GLMN: variants seen among roughly 807,000 people sequenced by gnomAD.
GLMN encodes glomulin.
GLMN carries 75 observed loss-of-function variants against 87.8 expected under a neutral mutation model. The ratio of observed to expected loss-of-function variants is 0.85; its 90% CI spans 0.71 to 1.04. GLMN has a LOEUF of 1.04. Ranked by LOEUF, GLMN falls within the 50% of genes least tolerant of loss-of-function variation. The pLI, the probability that GLMN is intolerant of heterozygous loss-of-function variation, is 0.00. For synonymous variants in GLMN, 206 were observed against 221.6 expected, an observed-to-expected ratio of 0.93 and a Z score of 0.63; for missense variants, 588 against 658.8, an observed-to-expected ratio of 0.89 and a Z score of 1.18.
chr1:92,276,474 T>C (rs140513925), intron 7 of GLMN, among the ~76,000 whole-genome samples: 3 of 152,032 alleles, frequency 2.0e-5, no homozygotes, highest in Non-Finnish European at 2.9e-5. Context: ...CCAGCCTGGG[T>C]AACATGGTGA....
the GLMN span, among the ~76,000 whole-genome samples, chr1:92,334,848 C>T: frequency 1.3e-5 from 2 of 151,994 alleles, no homozygotes; most frequent in East Asian, 1.9e-4. Flanking sequence ...ATTAGCCGGG[C>T]GTGGTGGCGG....
At chr1:92,323,547 T>C in the GLMN span, 1 of 1,613,860 alleles carries the variant, frequency 6.2e-7, no homozygotes, top group Non-Finnish European at 8.5e-7. Context: ...CTAGTTCTTC[T>C]AGCACTCACA....
intron 16 of GLMN, among the ~76,000 whole-genome samples, chr1:92,251,548 C>A (rs1468562996): frequency 6.6e-6 from 1 of 151,912 alleles, no homozygotes; most frequent in African/African-American, 2.4e-5. Flanking sequence ...TTCTTAGAAC[C>A]CATAAATAAT....
At chr1:92,366,810 G>C in the GLMN span, among the ~76,000 whole-genome samples, 2 of 152,098 alleles carry the variant, frequency 1.3e-5, no homozygotes, top group South Asian at 4.2e-4. Flanking sequence ...GGTTTGTATG[G>C]AGCCCTGCAA....
chr1:92,314,835 A>G, the GLMN span, among the ~76,000 whole-genome samples: 33 of 152,100 alleles, frequency 2.2e-4, no homozygotes, highest in Non-Finnish European at 4.1e-4. Flanking sequence ...ACCTGAGGTC[A>G]GGAGTTTGAG....
At chr1:92,291,298 G>T (rs1649373115) in intron 4 of GLMN, 120 bp downstream of exon 4, 3 of 884,438 alleles carry the variant, frequency 3.4e-6, no homozygotes, top group East Asian at 4.9e-5. Context: ...TCTCCAACGA[G>T]TTCCTTTCTG....
chr1:92,331,402 T>A, the GLMN span, among the ~76,000 whole-genome samples: 1 of 152,222 alleles, frequency 6.6e-6, no homozygotes, highest in Non-Finnish European at 1.5e-5. Flanking sequence ...TGTGTCCCAC[T>A]TATTCTGTCT....
chr1:92,343,352 A>G, the GLMN span, among the ~76,000 whole-genome samples: 1 of 152,174 alleles, frequency 6.6e-6, no homozygotes, highest in Non-Finnish European at 1.5e-5. Context: ...TATTGTCCTT[A>G]TTTTACCAAA....
rs576437363 is a variant in GLMN, at chr1:92,256,556, A to G, written c.1473+6307T>C. ...CAGCACATCAAAAAGCTTATCCACC[A>G]TGATCAAGTTGGCTTCATCCCTGTG... is the stretch of plus-strand genomic sequence containing the variant. On this transcript the variant is annotated intron_variant, in intron 16 of 18. Transcript: ENST00000370360. Among the ~76,000 whole-genome samples the G allele has an allele frequency of 2.0e-5, 3 of 152,354 alleles. No individual in the cohort carries two copies. The South Asian group carries it at 6.2e-4, about 32-fold the overall frequency.
the GLMN span, among the ~76,000 whole-genome samples, chr1:92,348,673 T>A: frequency 6.6e-6 from 1 of 152,184 alleles, no homozygotes; most frequent in African/African-American, 2.4e-5. Context: ...ACTGATAGAC[T>A]TTTTTTATCT....
chr1:92,345,587 A>G, the GLMN span, among the ~76,000 whole-genome samples: 1 of 152,006 alleles, frequency 6.6e-6, no homozygotes, highest in Non-Finnish European at 1.5e-5. Context: ...TTGTTCCTAC[A>G]TGCTTATCTT....
chr1:92,354,357 T>C, the GLMN span, among the ~76,000 whole-genome samples: 1 of 152,164 alleles, frequency 6.6e-6, no homozygotes, highest in Non-Finnish European at 1.5e-5. Flanking sequence ...GAGAGAATTG[T>C]TACAAGGCAA....
intron 3 of GLMN, 119 bp downstream of exon 3, chr1:92,297,285 C>A (rs1650203348): frequency 1.5e-6 from 2 of 1,349,080 alleles, no homozygotes; most frequent in Non-Finnish European, 2.1e-6. Context: ...GTTTTCAGTT[C>A]CCTACTGTGA....
At chr1:92,252,992 G>GCAAAGAATACAGT (rs1553134031) in intron 16 of GLMN, among the ~76,000 whole-genome samples, 4 of 152,106 alleles carry the variant, frequency 2.6e-5, no homozygotes, top group Admixed American at 2.6e-4. Context: ...CAGGAACCCT[G>GCAAAGAATACAGT]CAAAGAATAC....
the GLMN span, among the ~76,000 whole-genome samples, chr1:92,363,556 G>A: frequency 0.26 from 39,309 of 151,984 alleles, 6,518 homozygotes; most frequent in Non-Finnish European, 0.35. Flanking sequence ...CAGAAGTTAC[G>A]GTTGTATAAA....
chr1:92,265,693 T>C (rs1245098914), intron 13 of GLMN, among the ~76,000 whole-genome samples: 1 of 152,064 alleles, frequency 6.6e-6, no homozygotes, highest in African/African-American at 2.4e-5. Flanking sequence ...CACCTGAAGC[T>C]GGGGGGCCAA....
At chr1:92,319,278 GTTA>G in the GLMN span, among the ~76,000 whole-genome samples, 5 of 152,110 alleles carry the variant, frequency 3.3e-5, no homozygotes, top group Non-Finnish European at 7.4e-5. Context: ...TAACAGTGTA[GTTA>G]TTATGAGCTT....
At chr1:92,305,979 T>C in the GLMN span, among the ~76,000 whole-genome samples, 1 of 152,192 alleles carries the variant, frequency 6.6e-6, no homozygotes, top group Non-Finnish European at 1.5e-5. Flanking sequence ...CCAGCATGTA[T>C]GTATAAAAAT....
chr1:92,310,317 C>G, the GLMN span, among the ~76,000 whole-genome samples: 73 of 152,164 alleles, frequency 4.8e-4, no homozygotes, highest in African/African-American at 1.6e-3. Flanking sequence ...ATCTTTTTAC[C>G]TGTGCCAAGG....
Sources: gnomAD v4.1 joint callset for allele counts (sites outside exome capture counted in the v4.1 genomes callset) on GRCh38, gnomAD v4.1.1 for gene constraint, MANE v1.5 for transcripts, NCBI Gene and HGNC (gene_info 2026-07-23, HGNC 2026-07-21) for gene names.